FCHSD2: variants seen among roughly 807,000 people sequenced by gnomAD.
FCHSD2 encodes the protein F-BAR and double SH3 domains protein 2.
A neutral mutation model predicts 108.1 loss-of-function variants in FCHSD2; 38 were observed. That is an observed-to-expected ratio of 0.35 (90% CI 0.27 to 0.46). The LOEUF is 0.46. Among genes scored for constraint, FCHSD2 ranks in the 20% least tolerant of loss-of-function variants. FCHSD2 has a pLI of 1.00. For missense variants in FCHSD2, 751 were observed against 897.8 expected (o/e 0.84, Z 2.09); for synonymous variants, 279 against 314.7 (o/e 0.89, Z 1.20).
At chr11:72,902,443 T>C (rs1037609591) in intron 10 of FCHSD2, 100 bp downstream of exon 10, 97 of 686,330 alleles carry the variant, frequency 1.4e-4, no homozygotes, top group Non-Finnish European at 1.7e-4. Context: ...ATTGATGAGA[T>C]ATACTCAGCT....
At chr11:73,017,858 T>C (rs555326549) in intron 3 of FCHSD2, among the ~76,000 whole-genome samples, 11 of 152,158 alleles carry the variant, frequency 7.2e-5, no homozygotes, top group Non-Finnish European at 1.0e-4. Context: ...GTGAAAAGCG[T>C]CATTGCCTAG....
chr11:73,111,632 GTTATT>G, intron 2 of FCHSD2, among the ~76,000 whole-genome samples: 1 of 151,840 alleles, frequency 6.6e-6, no homozygotes, highest in East Asian at 1.9e-4. Context: ...ACTTACTCCT[GTTATT>G]TTATTTTTGG....
intron 5 of FCHSD2, among the ~76,000 whole-genome samples, chr11:72,999,866 GACACACACAC>G (rs138484535): frequency 0.7 from 104,940 of 150,300 alleles, 37,869 homozygotes; most frequent in South Asian, 0.85. Context: ...TGCACAATCA[GACACACACAC>G]ACACACACAC....
At chr11:73,133,347 A>T (rs10898900) in intron 2 of FCHSD2, among the ~76,000 whole-genome samples, 66,252 of 152,126 alleles carry the variant, frequency 0.44, 15,252 homozygotes, top group South Asian at 0.64. Flanking sequence ...TAATAATAGT[A>T]AAAAGTAGAA....
intron 9 of FCHSD2, among the ~76,000 whole-genome samples, chr11:72,920,884 C>G (rs1855964903): frequency 6.6e-6 from 1 of 152,092 alleles, no homozygotes; most frequent in South Asian, 2.1e-4. Flanking sequence ...CCGTATCAAC[C>G]TAGCATTTTT....
intron 8 of FCHSD2, among the ~76,000 whole-genome samples, chr11:72,960,958 C>T (rs768988513): frequency 1.3e-5 from 2 of 151,982 alleles, no homozygotes; most frequent in Non-Finnish European, 2.9e-5. Flanking sequence ...TGTTTTCCTA[C>T]TTTTGATCTA....
At chr11:73,077,561 T>C (rs978018584) in intron 3 of FCHSD2, 3 of 394,716 alleles carry the variant, frequency 7.6e-6, no homozygotes, top group South Asian at 1.9e-5. Flanking sequence ...CACTTATCCA[T>C]ACACAAATGT....
chr11:73,068,813 TAAAAAAA>T (rs1237723120), intron 3 of FCHSD2, among the ~76,000 whole-genome samples: 1 of 83,048 alleles, frequency 1.2e-5, no homozygotes, highest in Non-Finnish European at 2.2e-5. Context: ...CTACAAAAAG[TAAAAAAA>T]AAAAAAAAAA....
intron 3 of FCHSD2, among the ~76,000 whole-genome samples, chr11:73,025,345 T>C (rs1408162380): frequency 6.6e-6 from 1 of 152,138 alleles, no homozygotes; most frequent in African/African-American, 2.4e-5. Context: ...TGCAGGAACA[T>C]GGATGGAGCT....
At chr11:72,954,322 A>G (rs1053098216) in intron 8 of FCHSD2, among the ~76,000 whole-genome samples, 1 of 149,862 alleles carries the variant, frequency 6.7e-6, no homozygotes. Context: ...AATTCTCTCA[A>G]CTCAGCCTCC....
chr11:72,973,988 G>A lies in FCHSD2; in HGVS notation c.705+10100C>T, dbSNP rs536378676. Among the ~76,000 whole-genome samples, 9 of 147,214 alleles carry A rather than the reference G, an allele frequency of 6.1e-5. No homozygotes were observed. The South Asian group carries it at 1.5e-3, about 24-fold the overall frequency. On this transcript the variant is annotated intron_variant, in intron 8 of 19. Coordinates refer to ENST00000409418, the MANE Select transcript of FCHSD2 (RefSeq NM_014824.3). ...AAAGACCTAGAGTGCAAATGAAGGA[G>A]CAATTAATTGTGAAATAATCAAATA...
intron 3 of FCHSD2, among the ~76,000 whole-genome samples, chr11:73,080,026 G>A (rs762783085): frequency 3.0e-4 from 45 of 151,966 alleles, no homozygotes; most frequent in Admixed American, 7.9e-4. Context: ...AGCCAGGCGC[G>A]GTAGCTCATG....
chr11:72,920,149 T>C (rs1037644829), intron 9 of FCHSD2, among the ~76,000 whole-genome samples: 3 of 151,988 alleles, frequency 2.0e-5, no homozygotes, highest in South Asian at 2.1e-4. Context: ...ATTAAGGAAA[T>C]AGACACAACA....
At chr11:73,072,119 G>C (rs1859451207) in intron 3 of FCHSD2, among the ~76,000 whole-genome samples, 1 of 150,212 alleles carries the variant, frequency 6.7e-6, no homozygotes. Context: ...AATAAAAACG[G>C]GCATGTTCAC....
rs1344432161 is a variant in FCHSD2, at chr11:72,838,528, G to A, written c.*263C>T. 3.8e-6 allele frequency: 2 copies of A among 522,110 alleles called. No individual in the cohort carries two copies. The highest frequency in any genetic ancestry group is 1.9e-5 in the African/African-American group (1 of 52,180). The allele number at this position is 522,110 out of a possible 1,614,324, so 32.3% of individuals were successfully genotyped here. Reference sequence around the variant, plus strand: ...AAAAACAGACCACTGTTAGGCATGAGGGCTGCCCCCCTCTTTGCTCCTAGG... The same window carrying A: ...AAAAACAGACCACTGTTAGGCATGAAGGCTGCCCCCCTCTTTGCTCCTAGG... On this transcript the variant is annotated 3_prime_UTR_variant, in exon 20 of 20. Transcript: ENST00000409418.
intron 15 of FCHSD2, 29 bp from the exon 16 acceptor site, chr11:72,843,357 T>G: frequency 6.3e-7 from 1 of 1,596,076 alleles, no homozygotes; most frequent in Non-Finnish European, 8.6e-7. Context: ...ACAAAACAAG[T>G]TTACACACAC....
intron 2 of FCHSD2, among the ~76,000 whole-genome samples, chr11:73,109,934 G>A (rs1860442231): frequency 6.6e-6 from 1 of 152,106 alleles, no homozygotes; most frequent in African/African-American, 2.4e-5. Flanking sequence ...AATGCTTTTT[G>A]AGCATCAATT....
At chr11:72,919,590 T>C (rs528532744) in intron 9 of FCHSD2, among the ~76,000 whole-genome samples, 40 of 152,290 alleles carry the variant, frequency 2.6e-4, no homozygotes, top group African/African-American at 9.4e-4. Context: ...GGATTCAAGA[T>C]ATATCCCATG....
chr11:72,946,243 G>T (rs1024001704), intron 8 of FCHSD2, among the ~76,000 whole-genome samples: 5 of 152,092 alleles, frequency 3.3e-5, no homozygotes, highest in African/African-American at 1.2e-4. Context: ...CATGTCCTTT[G>T]TAAGGACATG....
Sources: gnomAD v4.1 joint callset for allele counts (sites outside exome capture counted in the v4.1 genomes callset) on GRCh38, gnomAD v4.1.1 for gene constraint, MANE v1.5 for transcripts, NCBI Gene and HGNC (gene_info 2026-07-23, HGNC 2026-07-21) for gene names.